Variants in BLK observed in about 807,000 individuals in gnomAD.
BLK encodes BLK proto-oncogene, Src family tyrosine kinase, also known as tyrosine-protein kinase Blk.
In BLK, 64 loss-of-function variants were observed where a neutral mutation model predicts 61.8. That is an observed-to-expected ratio of 1.03 (90% confidence interval 0.85 to 1.27). The LOEUF is 1.27. Among genes scored for constraint, BLK ranks in the 50% most tolerant of loss-of-function variants. The probability of loss-of-function intolerance (pLI) is 0.00; values close to 1 mark genes in which losing one functional copy is unlikely to be tolerated. For missense variants in BLK, 853 were observed against 660.5 expected (o/e 1.29, Z -3.19); for synonymous variants, 351 against 272.0 (o/e 1.29, Z -2.86).
intron 1 of BLK, among the ~76,000 whole-genome samples, chr8:11,530,200 G>A (rs2729936): frequency 0.017 from 2,593 of 152,140 alleles, 44 homozygotes; most frequent in African/African-American, 0.045. Flanking sequence ...TCTCAGATTA[G>A]ACCTTTTAAA....
At chr8:11,501,320 ATT>A (rs1385422596) in intron 1 of BLK, among the ~76,000 whole-genome samples, 1 of 150,986 alleles carries the variant, frequency 6.6e-6, no homozygotes, top group Non-Finnish European at 1.5e-5. Context: ...TCTTGATTTT[ATT>A]TGGTGCTTTA....
rs1237059982 is a variant in BLK at position 11,556,665 on chromosome 8, CA to C, written c.785del (p.Asn262ThrfsTer3). On this transcript the variant is annotated frameshift_variant, in exon 9 of 13. Transcript: ENST00000259089. LOFTEE classifies it high-confidence loss of function. ...QFGEVWMGYY[K>X]NNMKVAIKTL... ...TCACTCCCCCGGGCTCAGGTTACTA[CA>C]AAAACAACATGAAGGTGGCCATTAA... 6.2e-7 allele frequency: 1 copy of C among 1,614,118 alleles called. No homozygotes were observed. The highest frequency in any genetic ancestry group is 1.7e-5 in the Admixed American group (1 of 60,016).
Position 11,554,863 on chromosome 8 carries a change from T to A in BLK, c.593T>A (p.Leu198His). The A allele has an allele frequency of 1.2e-6, 2 of 1,613,718 alleles. No homozygotes were observed. The highest frequency in any genetic ancestry group is 3.3e-5 in the Admixed American group (2 of 60,024). ...YISPRITFPS[L>H]QALVQHYSKK... ...TCCCCCCGGATCACCTTCCCCTCGC[T>A]CCAGGCCCTGGTGCAGCACTATTCT... The change falls in exon 7 of 13, where the codon CTC becomes CAC. Residue 198 changes from leucine (L) to histidine (H), a missense_variant. Transcript: ENST00000259089.
intron 1 of BLK, among the ~76,000 whole-genome samples, chr8:11,538,713 A>C (rs1800238872): frequency 6.6e-6 from 1 of 152,126 alleles, no homozygotes; most frequent in South Asian, 2.1e-4. Flanking sequence ...AGTCTGGGGA[A>C]TATACTAGGA....
intron 1 of BLK, among the ~76,000 whole-genome samples, chr8:11,504,975 T>G (rs766331602): frequency 4.6e-5 from 7 of 152,020 alleles, no homozygotes; most frequent in Non-Finnish European, 1.0e-4. Flanking sequence ...GACACATACA[T>G]GCACACAGAC....
intron 1 of BLK, 78 bp from the exon 2 acceptor site, chr8:11,543,146 G>A (rs574831620): frequency 6.2e-7 from 1 of 1,607,404 alleles, no homozygotes; most frequent in African/African-American, 1.3e-5. Context: ...CTCCCGGAAG[G>A]GGCCAGGGAT....
At chr8:11,551,018 C>T (rs975971502) in intron 6 of BLK, among the ~76,000 whole-genome samples, 1 of 152,126 alleles carries the variant, frequency 6.6e-6, no homozygotes, top group African/African-American at 2.4e-5. Context: ...CTGATTCAAC[C>T]CCCACCCTCA....
At chr8:11,561,845 T>C (rs944711346) in intron 11 of BLK, among the ~76,000 whole-genome samples, 4 of 150,792 alleles carry the variant, frequency 2.7e-5, no homozygotes, top group Non-Finnish European at 5.9e-5. Flanking sequence ...TTTTTTGAGA[T>C]GGAGTCTCTG....
At chr8:11,528,389 T>G (rs1263262209) in intron 1 of BLK, among the ~76,000 whole-genome samples, 2 of 152,208 alleles carry the variant, frequency 1.3e-5, no homozygotes, top group Non-Finnish European at 2.9e-5. Context: ...AAAGTTACTT[T>G]GGTTTATGGC....
chr8:11,538,073 G>GAC (rs959195954), intron 1 of BLK, among the ~76,000 whole-genome samples: 11 of 151,944 alleles, frequency 7.2e-5, no homozygotes, highest in South Asian at 4.2e-4. Context: ...TGCACACATA[G>GAC]ACACACACAC....
At chr8:11,518,954 C>G (rs1799332605) in intron 1 of BLK, among the ~76,000 whole-genome samples, 1 of 152,174 alleles carries the variant, frequency 6.6e-6, no homozygotes, top group African/African-American at 2.4e-5. Context: ...AGAGGTCTTT[C>G]TCTTATCTAA....
chr8:11,562,853 C>T, intron 11 of BLK, 126 bp from the exon 12 acceptor site: 1 of 1,380,166 alleles, frequency 7.2e-7, no homozygotes, highest in Non-Finnish European at 1.0e-6. Context: ...TGCCTGGCCG[C>T]CCCGCCCTGT....
intron 10 of BLK, chr8:11,560,679 G>T (rs891237000): frequency 1.7e-5 from 6 of 361,346 alleles, no homozygotes; most frequent in African/African-American, 6.4e-5. Flanking sequence ...CACAGCCTCT[G>T]TCCACCTGGA....
At chr8:11,562,029 G>C (rs1801523084) in intron 11 of BLK, among the ~76,000 whole-genome samples, 1 of 152,158 alleles carries the variant, frequency 6.6e-6, no homozygotes, top group Non-Finnish European at 1.5e-5. Flanking sequence ...ATGTTGGCCA[G>C]GCTGGTCTCG....
rs151119020 is a variant in BLK, at chr8:11,504,742, T to A, written c.-2+10151T>A. Among the ~76,000 whole-genome samples, 356 of 152,334 alleles carry A rather than the reference T, an allele frequency of 2.3e-3. 3 individuals are homozygous for A. Among genetic ancestry groups the A allele is most frequent in the African/African-American group, 8.1e-3 (335 of 41,572 alleles). On this transcript the variant is annotated intron_variant, in intron 1 of 12. Coordinates refer to ENST00000259089, the MANE Select transcript of BLK (RefSeq NM_001715.3). The stretch of plus-strand genomic sequence containing the variant: ...AGGAGTGTGCCCCCTGTTCCCACCC[T>A]TGAGATGAGGCCTGATAAGGGTGCT...
intron 10 of BLK, among the ~76,000 whole-genome samples, chr8:11,559,435 A>C (rs918805953): frequency 6.6e-6 from 1 of 151,892 alleles, no homozygotes; most frequent in African/African-American, 2.4e-5. Flanking sequence ...ACACAAACTC[A>C]CACAGACACA....
intron 1 of BLK, among the ~76,000 whole-genome samples, chr8:11,512,238 G>A (rs917542150): frequency 1.2e-4 from 18 of 152,210 alleles, no homozygotes; most frequent in Non-Finnish European, 2.1e-4. Flanking sequence ...GGATGACCTC[G>A]TGAACGAAGA....
intron 1 of BLK, among the ~76,000 whole-genome samples, chr8:11,517,684 G>A (rs941243777): frequency 3.9e-5 from 6 of 152,198 alleles, no homozygotes; most frequent in Non-Finnish European, 8.8e-5. Flanking sequence ...CAAGGCAGGG[G>A]ACGGCTTCAG....
chr8:11,529,524 G>A (rs1427153542), intron 1 of BLK, among the ~76,000 whole-genome samples: 1 of 152,098 alleles, frequency 6.6e-6, no homozygotes, highest in Non-Finnish European at 1.5e-5. Flanking sequence ...AATATCTCAA[G>A]CGCTGATCTT....
Sources: allele counts gnomAD v4.1 joint callset (sites outside exome capture counted in the v4.1 genomes callset), GRCh38; gene constraint gnomAD v4.1.1; transcripts MANE v1.5; gene names NCBI Gene and HGNC (gene_info 2026-07-23, HGNC 2026-07-21).